The following TRPC1 variants were observed in gnomAD, a reference collection of about 807,000 sequenced individuals.
TRPC1 encodes short transient receptor potential channel 1.
Under a neutral mutation model 88.2 loss-of-function variants are expected in TRPC1, and 42 were observed. The ratio of observed to expected loss-of-function variants is 0.48; its 90% CI spans 0.37 to 0.62. TRPC1 has a LOEUF of 0.62. TRPC1 is among the 20% of genes least tolerant of loss of function. The pLI, the probability that TRPC1 is intolerant of heterozygous loss-of-function variation, is 0.00. For missense variants in TRPC1, 699 were observed against 957.3 expected, an observed-to-expected ratio of 0.73 and a Z score of 3.56; for synonymous variants, 288 against 331.8, an observed-to-expected ratio of 0.87 and a Z score of 1.43.
intron 2 of TRPC1, among the ~76,000 whole-genome samples, chr3:142,737,330 A>ATG (rs1560093169): frequency 5.0e-5 from 3 of 60,164 alleles, no homozygotes; most frequent in Non-Finnish European, 7.9e-5. Flanking sequence ...TATTTTATAT[A>ATG]TATATATGTA....
At chr3:142,755,783 G>A (rs1341176736) in intron 4 of TRPC1, among the ~76,000 whole-genome samples, 2 of 152,134 alleles carry the variant, frequency 1.3e-5, no homozygotes, top group African/African-American at 2.4e-5. Context: ...CCTCAAAAAA[G>A]GCTTTTTTTA....
At chr3:142,770,597 T>G (rs1265208829) in intron 4 of TRPC1, among the ~76,000 whole-genome samples, 1 of 152,198 alleles carries the variant, frequency 6.6e-6, no homozygotes, top group African/African-American at 2.4e-5. Context: ...GTAGACAACA[T>G]ATAATTGAAT....
At chr3:142,745,400 T>C (rs1435777834) in intron 3 of TRPC1, among the ~76,000 whole-genome samples, 1 of 152,080 alleles carries the variant, frequency 6.6e-6, no homozygotes, top group African/African-American at 2.4e-5. Flanking sequence ...AAAATAACCT[T>C]TGGGAGGCCG....
intron 12 of TRPC1, among the ~76,000 whole-genome samples, chr3:142,805,129 T>TATACAC (rs1409489071): frequency 1.0e-5 from 1 of 95,276 alleles, no homozygotes; most frequent in African/African-American, 6.9e-5. Context: ...AATATATATA[T>TATACAC]ACACACACAC....
intron 4 of TRPC1, among the ~76,000 whole-genome samples, chr3:142,766,109 A>G (rs1056239379): frequency 2.6e-5 from 4 of 152,120 alleles, no homozygotes; most frequent in African/African-American, 9.7e-5. Flanking sequence ...ACATCAATAT[A>G]ACTCTGTACT....
intron 1 of TRPC1, among the ~76,000 whole-genome samples, chr3:142,730,006 C>A (rs1455446044): frequency 6.6e-6 from 1 of 152,048 alleles, no homozygotes; most frequent in Admixed American, 6.5e-5. Context: ...TCTAGATTAA[C>A]ATATTGGCCA....
chr3:142,768,077 C>CTT (rs1314074278), intron 4 of TRPC1, among the ~76,000 whole-genome samples: 92 of 151,810 alleles, frequency 6.1e-4, no homozygotes, highest in African/African-American at 1.9e-3. Flanking sequence ...GATTTTATGC[C>CTT]TTTTTAATGT....
rs553100244 is a variant in TRPC1, at chr3:142,757,152, T to A, written c.632+8692T>A. On this transcript the variant is annotated intron_variant, in intron 4 of 12. Coordinates refer to ENST00000476941, the MANE Select transcript of TRPC1 (RefSeq NM_001251845.2). ...GATGGGTACTTAGGTTGAGTCCATATCTTGACTATTGTGTACAATGCTGCA... is the reference window on the plus strand; with the variant it reads ...GATGGGTACTTAGGTTGAGTCCATAACTTGACTATTGTGTACAATGCTGCA... 1.1e-4 allele frequency among the ~76,000 whole-genome samples: 16 copies of A among 152,328 alleles called. No homozygotes were observed. The South Asian group carries it at 3.3e-3, about 32-fold the overall frequency.
At position 142,755,340 on chromosome 3, in the gene TRPC1, A is replaced by G. The variant is rs536793820; in HGVS notation, c.632+6880A>G. On this transcript the variant is annotated intron_variant, in intron 4 of 12. Coordinates refer to ENST00000476941, the MANE Select transcript of TRPC1 (RefSeq NM_001251845.2). Reference sequence around the variant, plus strand: ...CTTGGGAGGCTGAGGCAGGAGAATCACTTAAACCTGGGAGGCAGAGGTTGC... The same window carrying G: ...CTTGGGAGGCTGAGGCAGGAGAATCGCTTAAACCTGGGAGGCAGAGGTTGC... 2.3e-4 allele frequency among the ~76,000 whole-genome samples: 35 copies of G among 152,208 alleles called. No individual in the cohort carries two copies. In the South Asian group the frequency reaches 7.0e-3, roughly 31 times the overall value.
At chr3:142,758,080 A>G (rs1397866647) in intron 4 of TRPC1, among the ~76,000 whole-genome samples, 2 of 151,614 alleles carry the variant, frequency 1.3e-5, no homozygotes, top group Non-Finnish European at 2.9e-5. Context: ...TTTTTTTTGT[A>G]CTCATTAACC....
In TRPC1 at chr3:142,806,943, A is replaced by AAAT; in HGVS notation, c.*709_*711dup. 6.6e-6 allele frequency: 1 copy of AAAT among 152,042 alleles called. No homozygotes were observed. Among genetic ancestry groups the AAAT allele is most frequent in the Non-Finnish European group, 1.5e-5 (1 of 67,976 alleles). The allele number at this position is 152,042 out of a possible 1,614,324, so 9.4% of individuals were successfully genotyped here. On this transcript the variant is annotated 3_prime_UTR_variant, in exon 13 of 13. Transcript: ENST00000476941. ...GTATTGATGTAGTTAGTCCACATTTAAATTTTTATAGAATTATATAGTTTT... is the reference window on the plus strand; with the variant it reads ...GTATTGATGTAGTTAGTCCACATTTAAATAATTTTTATAGAATTATATAGTTTT...
chr3:142,736,621 T>C (rs1577945828), intron 2 of TRPC1, 88 bp downstream of exon 2: 2 of 1,140,230 alleles, frequency 1.8e-6, no homozygotes, highest in East Asian at 2.6e-5. Flanking sequence ...CTTTCTTCTT[T>C]TTCCTCCTCT....
chr3:142,781,643 A>T (rs1935960624), intron 6 of TRPC1, among the ~76,000 whole-genome samples: 1 of 152,104 alleles, frequency 6.6e-6, no homozygotes, highest in African/African-American at 2.4e-5. Flanking sequence ...CCCCATGCAT[A>T]CATATACATA....
chr3:142,737,334 A>ATGTATGTATGTATG (rs1553799429), intron 2 of TRPC1, among the ~76,000 whole-genome samples: 55 of 147,418 alleles, frequency 3.7e-4, no homozygotes, highest in African/African-American at 1.1e-3. Context: ...TTATATATAT[A>ATGTATGTATGTATG]TATGTATGTA....
chr3:142,740,519 CTGG>C (rs1258667409), intron 2 of TRPC1, among the ~76,000 whole-genome samples: 1 of 152,178 alleles, frequency 6.6e-6, no homozygotes, highest in Non-Finnish European at 1.5e-5. Flanking sequence ...GAGCAAAGGG[CTGG>C]TGCAGATTCA....
intron 2 of TRPC1, 21 bp from the exon 3 acceptor site, chr3:142,743,464 T>A: frequency 6.9e-7 from 1 of 1,459,046 alleles, no homozygotes; most frequent in Admixed American, 2.7e-5. Context: ...TTTTCATTTT[T>A]AACTTTTTTT....
At chr3:142,768,352 G>A (rs2108089752) in intron 4 of TRPC1, among the ~76,000 whole-genome samples, 1 of 152,094 alleles carries the variant, frequency 6.6e-6, no homozygotes, top group Middle Eastern at 3.4e-3. Flanking sequence ...CTGTTGTTAG[G>A]TGCATATACA....
chr3:142,778,865 A>G (rs1385947578), intron 5 of TRPC1, among the ~76,000 whole-genome samples: 1 of 152,206 alleles, frequency 6.6e-6, no homozygotes, highest in South Asian at 2.1e-4. Flanking sequence ...CAAGTTTGGA[A>G]CTACTGTCTT....
In TRPC1 at chr3:142,724,721, G is replaced by A. The variant is rs761104126; in HGVS notation, c.162G>A (p.Ala54=). 3.1e-6 allele frequency: 5 copies of A among 1,587,740 alleles called. No homozygotes were observed. The highest frequency in any genetic ancestry group is 3.4e-5 in the Admixed American group (2 of 58,772). ...TGAATGAGAAGCTTTTCTTGCTGGC[G>A]TGCGACAAGGGTGAGAGTTAGGCCC... is the stretch of plus-strand genomic sequence containing the variant. The part of the protein sequence containing the change: ...NTLNEKLFLL[A]CDKGDYYMVK... Residue 54 remains alanine, a synonymous_variant, in exon 1 of 13, where the codon GCG becomes GCA. Coordinates refer to ENST00000476941, the MANE Select transcript of TRPC1 (RefSeq NM_001251845.2). This position sits in a 1 kb window ranked among gnomAD's most constrained non-coding sequence, Gnocchi z 5.6.
Sources: gnomAD v4.1 joint callset for allele counts (sites outside exome capture counted in the v4.1 genomes callset) on GRCh38, gnomAD v4.1.1 for gene constraint, Gnocchi (gnomAD v3.1) non-coding constraint, MANE v1.5 for transcripts, NCBI Gene and HGNC (gene_info 2026-07-23, HGNC 2026-07-21) for gene names.